Variants in PRCP observed in about 807,000 individuals in gnomAD.
PRCP encodes lysosomal Pro-X carboxypeptidase.
Under a neutral mutation model 54.2 loss-of-function variants are expected in PRCP, and 46 were observed. The observed-to-expected ratio is 0.85, with a 90% CI of 0.67 to 1.09. PRCP has a LOEUF of 1.09. Among genes scored for constraint, PRCP ranks in the 50% least tolerant of loss-of-function variants. PRCP has a pLI of 0.00. For missense variants in PRCP, 613 were observed against 596.8 expected (o/e 1.03, Z -0.28); for synonymous variants, 240 against 212.2 (o/e 1.13, Z -1.14).
At chr11:82,880,889 C>T (rs1859735113) in intron 1 of PRCP, among the ~76,000 whole-genome samples, 1 of 150,760 alleles carries the variant, frequency 6.6e-6, no homozygotes. Context: ...CAAGGGAAAA[C>T]CTATAAACTG....
intron 1 of PRCP, among the ~76,000 whole-genome samples, chr11:82,897,064 A>G (rs998993234): frequency 2.6e-5 from 4 of 152,186 alleles, no homozygotes; most frequent in African/African-American, 4.8e-5. Flanking sequence ...CAACATTGTA[A>G]CCACAAGCCA....
chr11:82,850,063 GC>G lies in PRCP; in HGVS notation c.601del (p.Ala201GlnfsTer12). ...KYPHMVVGAL[A>X]ASAPIWQFED... ...AAACTGCCAGATAGGGGCAGAAGCT[GC>G]AAGAGCTCTAAATGGCAAGAAAATC... is the stretch of plus-strand genomic sequence containing the variant. On this transcript the variant is annotated frameshift_variant, in exon 5 of 9. Coordinates refer to ENST00000313010, the MANE Select transcript of PRCP (RefSeq NM_005040.4). LOFTEE classifies it high-confidence loss of function. 7.2e-7 allele frequency: 1 copy of G among 1,397,682 alleles called. No individual in the cohort carries two copies. The highest frequency in any genetic ancestry group is 9.3e-7 in the Non-Finnish European group (1 of 1,071,478). The allele number at this position is 1,397,682 out of a possible 1,614,324, so 86.6% of individuals were successfully genotyped here. A position where few individuals can be genotyped will look rare whatever the true frequency, so the allele number is the denominator to read the frequency against.
At chr11:82,876,682 G>A (rs1387024438) in intron 1 of PRCP, among the ~76,000 whole-genome samples, 1 of 152,204 alleles carries the variant, frequency 6.6e-6, no homozygotes, top group Non-Finnish European at 1.5e-5. Flanking sequence ...CATGTAAGAA[G>A]CGCCTTTCAC....
intron 1 of PRCP, among the ~76,000 whole-genome samples, chr11:82,874,028 T>C (rs1859540130): frequency 6.6e-6 from 1 of 152,240 alleles, no homozygotes; most frequent in Non-Finnish European, 1.5e-5. Flanking sequence ...GACTATTCAT[T>C]GTTTTGCACA....
intron 1 of PRCP, among the ~76,000 whole-genome samples, chr11:82,883,818 A>G (rs747255551): frequency 1.2e-4 from 18 of 152,272 alleles, no homozygotes; most frequent in Middle Eastern, 3.4e-3. Context: ...GTAAATTCCC[A>G]TCTCTTTTAA....
chr11:82,858,143 A>G (rs966788521), intron 2 of PRCP: 6 of 152,232 alleles, frequency 3.9e-5, no homozygotes, highest in African/African-American at 1.2e-4. Context: ...AAAGAGGTCA[A>G]TGTAATATAT....
chr11:82,883,612 A>T (rs1437937772), intron 1 of PRCP, among the ~76,000 whole-genome samples: 1 of 152,208 alleles, frequency 6.6e-6, no homozygotes, highest in Non-Finnish European at 1.5e-5. Context: ...GATATCCCGG[A>T]AGGCAGGGGT....
At chr11:82,874,203 A>G (rs1291810585) in intron 1 of PRCP, among the ~76,000 whole-genome samples, 1 of 152,194 alleles carries the variant, frequency 6.6e-6, no homozygotes, top group Non-Finnish European at 1.5e-5. Context: ...GACACCAGAT[A>G]ATCAACAACT....
intron 8 of PRCP, chr11:82,826,245 C>A (rs1858230688): frequency 6.6e-6 from 1 of 152,196 alleles, no homozygotes; most frequent in Non-Finnish European, 1.5e-5. Context: ...TGTAACTGGT[C>A]TCTTTCACTC....
At position 82,889,200 on chromosome 11, in the gene PRCP, T is replaced by TA. The variant is rs201547869; in HGVS notation, c.168+11034_168+11035insT. On this transcript the variant is annotated intron_variant, in intron 1 of 8. Transcript: ENST00000313010. The stretch of plus-strand genomic sequence containing the variant: ...CATAGCAAGACCCCATTTCTTTTTT[T>TA]TAAAAAAAATATCCAGGCATGGTGG... Among the ~76,000 whole-genome samples, 1,192 of 151,216 alleles carry TA rather than the reference T, an allele frequency of 7.9e-3. 15 individuals carry two copies. The highest frequency in any genetic ancestry group is 0.028 in the African/African-American group (1,139 of 41,174).
chr11:82,854,593 A>G (rs1016800187), intron 2 of PRCP, among the ~76,000 whole-genome samples: 1 of 152,246 alleles, frequency 6.6e-6, no homozygotes, highest in Non-Finnish European at 1.5e-5. Flanking sequence ...AGCAATTTAC[A>G]GATTCAATAC....
chr11:82,831,286 A>C (rs1235589584), intron 8 of PRCP: 1 of 152,154 alleles, frequency 6.6e-6, no homozygotes, highest in Non-Finnish European at 1.5e-5. Context: ...TCCCCCCAAA[A>C]AGCAACTGTG....
At chr11:82,849,428 C>T (rs1858892452) in intron 5 of PRCP, among the ~76,000 whole-genome samples, 1 of 152,136 alleles carries the variant, frequency 6.6e-6, no homozygotes, top group Admixed American at 6.5e-5. Context: ...ATTATTCTCC[C>T]TTTTTAATAT....
intron 1 of PRCP, among the ~76,000 whole-genome samples, chr11:82,871,713 T>C (rs558625720): frequency 6.6e-6 from 1 of 152,324 alleles, no homozygotes; most frequent in Non-Finnish European, 1.5e-5. Flanking sequence ...TGCAAAGAAC[T>C]GTGATGACCT....
chr11:82,835,838 G>A, intron 8 of PRCP: 1 of 501,138 alleles, frequency 2.0e-6, no homozygotes, highest in South Asian at 1.5e-5. Context: ...GGAGGACCTT[G>A]ACATTATGCT....
intron 1 of PRCP, among the ~76,000 whole-genome samples, chr11:82,883,653 G>A (rs1007565028): frequency 3.3e-5 from 5 of 152,098 alleles, no homozygotes; most frequent in African/African-American, 4.8e-5. Flanking sequence ...AATAAAGCAC[G>A]TAAAAATAAA....
At chr11:82,845,812 G>C (rs1157408465) in intron 6 of PRCP, 1 of 152,184 alleles carries the variant, frequency 6.6e-6, no homozygotes. Context: ...CATGCTGACA[G>C]AACAGTCAAA....
intron 3 of PRCP, 122 bp from the exon 4 acceptor site, chr11:82,850,627 A>T: frequency 1.4e-6 from 1 of 704,474 alleles, no homozygotes; most frequent in Non-Finnish European, 2.0e-6. Flanking sequence ...TTTCTAGGCA[A>T]TTGAGCTAAA....
rs17144371 is a variant in PRCP at position 82,867,490 on chromosome 11, A to C, written c.169-7373T>G. Among the ~76,000 whole-genome samples, 184 of 152,354 alleles carry C rather than the reference A, an allele frequency of 1.2e-3. 3 individuals carry two copies. In the East Asian group the frequency reaches 0.033, roughly 27 times the overall value. On this transcript the variant is annotated intron_variant, in intron 1 of 8. Transcript: ENST00000313010. ...ACAAATAACAGTTAAGTGTTTCATTAGAGGGAGATTCTATCTGTTGGTCAA... is the reference window on the plus strand; with the variant it reads ...ACAAATAACAGTTAAGTGTTTCATTCGAGGGAGATTCTATCTGTTGGTCAA...
Sources: gnomAD v4.1 joint callset for allele counts (sites outside exome capture counted in the v4.1 genomes callset) on GRCh38, gnomAD v4.1.1 for gene constraint, MANE v1.5 for transcripts, NCBI Gene and HGNC (gene_info 2026-07-23, HGNC 2026-07-21) for gene names.